Variants in BMAL2 observed in about 807,000 individuals in gnomAD.
BMAL2 encodes basic helix-loop-helix ARNT-like protein 2.
At chr12:27,398,558 AT>A in the BMAL2 span, among the ~76,000 whole-genome samples, 26 of 144,636 alleles carry the variant, frequency 1.8e-4, no homozygotes, top group South Asian at 2.7e-3. Flanking sequence ...ATTAAATGGG[AT>A]TTTTAAAAAA....
chr12:27,410,230 C>A, the BMAL2 span, among the ~76,000 whole-genome samples: 1 of 152,168 alleles, frequency 6.6e-6, no homozygotes, highest in Non-Finnish European at 1.5e-5. Context: ...TTTGACCCAG[C>A]AATCCCATTA....
chr12:27,382,190 T>C, the BMAL2 span, among the ~76,000 whole-genome samples: 2 of 152,176 alleles, frequency 1.3e-5, no homozygotes, highest in Non-Finnish European at 1.5e-5. Context: ...ATTTACAGGC[T>C]CAACTGAGGT....
chr12:27,382,682 T>A, the BMAL2 span, among the ~76,000 whole-genome samples: 1 of 152,196 alleles, frequency 6.6e-6, no homozygotes, highest in East Asian at 1.9e-4. Flanking sequence ...TGTCACAGCA[T>A]CCCCACACTT....
At chr12:27,424,856 C>A in the BMAL2 span, 3 of 152,056 alleles carry the variant, frequency 2.0e-5, no homozygotes, top group African/African-American at 7.2e-5. Flanking sequence ...CTTTTTTTTC[C>A]AAGCTCCATG....
At chr12:27,345,477 A>T in the BMAL2 span, among the ~76,000 whole-genome samples, 1 of 152,170 alleles carries the variant, frequency 6.6e-6, no homozygotes, top group Middle Eastern at 3.4e-3. Context: ...ATTGGACAGG[A>T]TAATTTCTTT....
At chr12:27,387,190 C>A in the BMAL2 span, 23 of 1,378,802 alleles carry the variant, frequency 1.7e-5, no homozygotes, top group South Asian at 3.5e-5. Flanking sequence ...AAGAGACAGA[C>A]AATATTTTAA....
At chr12:27,344,297 T>G in the BMAL2 span, among the ~76,000 whole-genome samples, 4 of 152,196 alleles carry the variant, frequency 2.6e-5, no homozygotes, top group South Asian at 8.3e-4. Context: ...AAACTGATCT[T>G]CTGGGAGGGA....
At chr12:27,409,931 A>T in the BMAL2 span, among the ~76,000 whole-genome samples, 1 of 152,282 alleles carries the variant, frequency 6.6e-6, no homozygotes, top group East Asian at 1.9e-4. Context: ...AAAAGTGGGC[A>T]AAGGATATGA....
At chr12:27,407,544 A>G in the BMAL2 span, among the ~76,000 whole-genome samples, 2 of 152,194 alleles carry the variant, frequency 1.3e-5, no homozygotes, top group Non-Finnish European at 2.9e-5. Context: ...TTTGAAACCA[A>G]CGAGAACAAA....
At chr12:27,344,909 G>T in the BMAL2 span, among the ~76,000 whole-genome samples, 2 of 152,206 alleles carry the variant, frequency 1.3e-5, no homozygotes, top group Non-Finnish European at 2.9e-5. Context: ...ATCAGTAAAA[G>T]ATGATATTAT....
the BMAL2 span, chr12:27,403,500 T>TATTG: frequency 6.2e-7 from 1 of 1,610,508 alleles, no homozygotes; most frequent in Non-Finnish European, 8.5e-7. Context: ...GTGCTGGTAG[T>TATTG]ATTGGAACAG....
chr12:27,352,460 T>C, the BMAL2 span, among the ~76,000 whole-genome samples: 1 of 152,166 alleles, frequency 6.6e-6, no homozygotes, highest in Non-Finnish European at 1.5e-5. Context: ...GCCAACATCA[T>C]ACTGAACAGG....
the BMAL2 span, among the ~76,000 whole-genome samples, chr12:27,378,985 T>C: frequency 6.6e-6 from 1 of 152,090 alleles, no homozygotes. Context: ...AGAAAAATTG[T>C]CTTGGGCCAC....
At chr12:27,346,604 G>A in the BMAL2 span, among the ~76,000 whole-genome samples, 8 of 152,148 alleles carry the variant, frequency 5.3e-5, no homozygotes, top group Non-Finnish European at 1.2e-4. Flanking sequence ...CCTTTGCCAT[G>A]ATTCTCACTT....
the BMAL2 span, among the ~76,000 whole-genome samples, chr12:27,388,741 G>T: frequency 2.0e-5 from 3 of 152,100 alleles, no homozygotes; most frequent in Non-Finnish European, 4.4e-5. Context: ...TTCTGGGTTG[G>T]ATTTTACCTA....
At chr12:27,378,233 A>G in the BMAL2 span, among the ~76,000 whole-genome samples, 6 of 152,190 alleles carry the variant, frequency 3.9e-5, no homozygotes, top group African/African-American at 1.2e-4. Context: ...CTTCCTGTCA[A>G]TTGGCAGCAT....
chr12:27,417,562 G>C, the BMAL2 span, among the ~76,000 whole-genome samples: 1 of 152,180 alleles, frequency 6.6e-6, no homozygotes, highest in African/African-American at 2.4e-5. Flanking sequence ...TAATATAGCT[G>C]CCTCACGGTA....
chr12:27,410,542 C>A, the BMAL2 span, among the ~76,000 whole-genome samples: 1 of 151,960 alleles, frequency 6.6e-6, no homozygotes, highest in Admixed American at 6.6e-5. Flanking sequence ...GGGAATTGAA[C>A]AATGAGAACA....
At chr12:27,370,596 C>CTTTTTTG in the BMAL2 span, among the ~76,000 whole-genome samples, 1 of 151,950 alleles carries the variant, frequency 6.6e-6, no homozygotes, top group South Asian at 2.1e-4. Context: ...AGAGCTGGTT[C>CTTTTTTG]TTTTTTGTTT....
Sources: allele counts gnomAD v4.1 joint callset (sites outside exome capture counted in the v4.1 genomes callset), GRCh38; gene constraint gnomAD v4.1.1; transcripts MANE v1.5; gene names NCBI Gene and HGNC (gene_info 2026-07-23, HGNC 2026-07-21).